Variants in NINL observed in about 807,000 individuals in gnomAD.
NINL encodes the protein ninein-like protein.
A neutral mutation model predicts 160.3 loss-of-function variants in NINL; 153 were observed. The observed-to-expected ratio is 0.95, with a 90% CI of 0.84 to 1.09. NINL has a LOEUF of 1.09. NINL is among the 50% of genes least tolerant of loss of function. NINL has a pLI of 0.00. For synonymous variants in NINL, 800 were observed against 734.8 expected, an observed-to-expected ratio of 1.09 and a Z score of -1.43; for missense variants, 1,829 against 1,764.0, an observed-to-expected ratio of 1.04 and a Z score of -0.66.
At chr20:25,477,140 C>CT in intron 16 of NINL, 51 bp from the exon 17 acceptor site, 1 of 1,486,912 alleles carries the variant, frequency 6.7e-7, no homozygotes, top group Non-Finnish European at 8.9e-7. Flanking sequence ...CCCAGCCCCT[C>CT]TCTCGGGTTT....
chr20:25,457,280 C>A (rs1280037024), intron 22 of NINL, among the ~76,000 whole-genome samples: 1 of 152,148 alleles, frequency 6.6e-6, no homozygotes, highest in Admixed American at 6.5e-5. Context: ...GCCAAGATTA[C>A]GCCACTGCAC....
At chr20:25,496,540 TA>T (rs2063756382) in intron 10 of NINL, 122 bp downstream of exon 10, 1 of 1,163,610 alleles carries the variant, frequency 8.6e-7, no homozygotes, top group African/African-American at 1.5e-5. Context: ...TCAGGTGAAA[TA>T]GGGGGGTCTC....
At chr20:25,557,953 A>C (rs557970868) in intron 1 of NINL, among the ~76,000 whole-genome samples, 1 of 143,690 alleles carries the variant, frequency 7.0e-6, no homozygotes, top group Admixed American at 7.4e-5. Flanking sequence ...ACATGGTGAA[A>C]CCCCGTCTCT....
intron 1 of NINL, among the ~76,000 whole-genome samples, chr20:25,561,552 G>A (rs992120081): frequency 2.0e-5 from 3 of 151,216 alleles, no homozygotes; most frequent in South Asian, 2.1e-4. Context: ...AGTGAGAAGC[G>A]TCTCTGCCCG....
At chr20:25,456,354 C>T (rs956270281) in intron 22 of NINL, among the ~76,000 whole-genome samples, 37 of 150,150 alleles carry the variant, frequency 2.5e-4, no homozygotes, top group Admixed American at 2.3e-3. Context: ...TCGAGACCAG[C>T]CTGGGCAGCA....
intron 1 of NINL, among the ~76,000 whole-genome samples, chr20:25,571,093 A>G (rs1239042442): frequency 3.3e-5 from 5 of 152,110 alleles, no homozygotes; most frequent in Admixed American, 1.3e-4. Flanking sequence ...TCACTCATTA[A>G]TAAGTAAGCC....
intron 18 of NINL, among the ~76,000 whole-genome samples, chr20:25,469,518 G>A (rs189008846): frequency 1.7e-5 from 2 of 115,232 alleles, no homozygotes; most frequent in African/African-American, 6.9e-5. Flanking sequence ...CCCTCCCCAC[G>A]CCCATCCCCT....
intron 5 of NINL, among the ~76,000 whole-genome samples, chr20:25,508,462 C>T (rs2064003762): frequency 6.6e-6 from 1 of 152,262 alleles, no homozygotes; most frequent in African/African-American, 2.4e-5. Context: ...GCCTGCAGCC[C>T]AGCCCAGGGC....
intron 16 of NINL, among the ~76,000 whole-genome samples, chr20:25,478,610 C>T (rs2063318381): frequency 6.6e-6 from 1 of 152,222 alleles, no homozygotes; most frequent in South Asian, 2.1e-4. Context: ...CCCTGCCTGG[C>T]CCTGGAGAAG....
chr20:25,564,643 G>A (rs997786714), intron 1 of NINL, among the ~76,000 whole-genome samples: 1 of 151,692 alleles, frequency 6.6e-6, no homozygotes, highest in Admixed American at 6.6e-5. Flanking sequence ...AGTAGACACG[G>A]GGTTTCACCA....
intron 1 of NINL, among the ~76,000 whole-genome samples, chr20:25,566,079 CCA>C (rs1197244957): frequency 6.6e-6 from 1 of 152,236 alleles, no homozygotes; most frequent in Admixed American, 6.5e-5. Flanking sequence ...TTTTCGGCCT[CCA>C]CAGTCACATG....
intron 1 of NINL, among the ~76,000 whole-genome samples, chr20:25,572,249 T>A (rs2065062817): frequency 6.6e-6 from 1 of 151,942 alleles, no homozygotes; most frequent in Non-Finnish European, 1.5e-5. Context: ...TGTTGCAATT[T>A]ATTTTTGTTT....
At chr20:25,569,622 A>G (rs2065032270) in intron 1 of NINL, among the ~76,000 whole-genome samples, 2 of 152,334 alleles carry the variant, frequency 1.3e-5, no homozygotes, top group South Asian at 4.1e-4. Context: ...TGCAGGAGGC[A>G]GGAGAGATGT....
rs770852705 is a variant in NINL, at chr20:25,453,659, G to A, written c.3958-17C>T. On this transcript the variant is annotated splice_polypyrimidine_tract_variant and intron_variant, in intron 23 of 23. Transcript: ENST00000278886. ...CTTTTCAAACTAGAGAGGGGAGGAA[G>A]CCATGCTTTGCATGAGGCCGGTGGA... The A allele has an allele frequency of 1.9e-6, 3 of 1,584,390 alleles. No individual in the cohort carries two copies. The highest frequency in any genetic ancestry group is 2.3e-5 in the East Asian group (1 of 44,284).
chr20:25,469,699 G>A (rs2063045005), intron 18 of NINL, among the ~76,000 whole-genome samples: 2 of 152,132 alleles, frequency 1.3e-5, no homozygotes, highest in Admixed American at 6.5e-5. Flanking sequence ...TGGGGTGAAC[G>A]GCGCCTGTGC....
rs1463873584 is a variant in NINL, at chr20:25,567,566, C to A, written c.-12+17889G>T. Among the ~76,000 whole-genome samples, 3 of 151,758 alleles carry A rather than the reference C, an allele frequency of 2.0e-5. No homozygotes were observed. In the East Asian group the frequency reaches 5.8e-4, roughly 29 times the overall value. On this transcript the variant is annotated intron_variant, in intron 1 of 23. Transcript: ENST00000278886. ...ATATTCAAACTGCAGGAACCCAAAA[C>A]AAAGAGAAACCTGAAAGAAGCCAGA... is the stretch of plus-strand genomic sequence containing the variant.
chr20:25,479,532 A>G (rs1354507764), intron 15 of NINL, among the ~76,000 whole-genome samples: 1 of 152,160 alleles, frequency 6.6e-6, no homozygotes, highest in African/African-American at 2.4e-5. Context: ...GGTGGCTCTG[A>G]ACAGCGTGGA....
rs754441013 is a variant in NINL at position 25,476,086 on chromosome 20, C to T, written c.3205G>A (p.Val1069Ile). 31 of 1,613,866 alleles carry T rather than the reference C, an allele frequency of 1.9e-5. No individual in the cohort carries two copies. The East Asian group carries it at 2.0e-4, about 10-fold the overall frequency. The change falls in exon 17 of 24, where the codon GTC (valine) becomes ATC (isoleucine). Residue 1069 changes from valine to isoleucine, a missense_variant. By Grantham distance (29) the Val-to-Ile change is conservative. Transcript: ENST00000278886. ...TCTACATGTTTCTCCAGAGCCCGGA[C>T]GACGTCTTCCAGATGTAGAAGTTTG... ...ETKLLHLEDV[V>I]RALEKHVDLR...
At chr20:25,561,642 A>G (rs374165260) in intron 1 of NINL, among the ~76,000 whole-genome samples, 12,676 of 147,522 alleles carry the variant, frequency 0.086, 878 homozygotes, top group African/African-American at 0.2. Flanking sequence ...GTCTCTGCCC[A>G]GCCGCCCATC....
Sources: gnomAD v4.1 joint callset for allele counts (sites outside exome capture counted in the v4.1 genomes callset) on GRCh38, gnomAD v4.1.1 for gene constraint, MANE v1.5 for transcripts, NCBI Gene and HGNC (gene_info 2026-07-23, HGNC 2026-07-21) for gene names.